RALGAPA2: variants seen among roughly 807,000 people sequenced by gnomAD.
The protein encoded by RALGAPA2 is Ral GTPase activating protein catalytic subunit alpha 2.
RALGAPA2 carries 139 observed loss-of-function variants against 230.4 expected under a neutral mutation model. The observed-to-expected ratio is 0.60, with a 90% CI of 0.53 to 0.69. The LOEUF is 0.69. Among genes scored for constraint, RALGAPA2 ranks in the 30% least tolerant of loss-of-function variants. RALGAPA2 has a pLI of 0.00. For missense variants in RALGAPA2, 2,163 were observed against 2,276.0 expected (o/e 0.95, Z 1.01); for synonymous variants, 847 against 837.8 (o/e 1.01, Z -0.19).
intron 11 of RALGAPA2, 101 bp from the exon 12 acceptor site, chr20:20,619,515 T>G (rs2066256633): frequency 1.1e-6 from 1 of 943,934 alleles, no homozygotes; most frequent in Admixed American, 4.5e-5. Context: ...CTAAGTTATA[T>G]TTAGTTGGCA....
intron 24 of RALGAPA2, among the ~76,000 whole-genome samples, chr20:20,544,839 C>A (rs1171989807): frequency 1.4e-5 from 2 of 145,926 alleles, no homozygotes; most frequent in African/African-American, 5.1e-5. Flanking sequence ...ATGGACACAG[C>A]GAGGGGAATA....
At chr20:20,441,322 C>T (rs1197690608) in intron 37 of RALGAPA2, among the ~76,000 whole-genome samples, 1 of 152,178 alleles carries the variant, frequency 6.6e-6, no homozygotes, top group Non-Finnish European at 1.5e-5. Context: ...GTGGGACAGC[C>T]GTTAATCTGT....
At chr20:20,394,634 A>G (rs1200071161) in intron 39 of RALGAPA2, among the ~76,000 whole-genome samples, 1 of 152,050 alleles carries the variant, frequency 6.6e-6, no homozygotes, top group East Asian at 1.9e-4. Context: ...CAGTCTCAAA[A>G]AAAAAACACC....
At chr20:20,542,699 C>T (rs1166373190) in intron 24 of RALGAPA2, among the ~76,000 whole-genome samples, 1 of 152,146 alleles carries the variant, frequency 6.6e-6, no homozygotes, top group Admixed American at 6.6e-5. Flanking sequence ...TGAAAACTGG[C>T]TAGCCATATG....
At position 20,421,643 on chromosome 20, in the gene RALGAPA2, C is replaced by T. The variant is rs532162681; in HGVS notation, c.5496-9495G>A. On this transcript the variant is annotated intron_variant, in intron 37 of 39. Transcript: ENST00000202677. ...CAAGATCACACCATTGCATTCCAGC[C>T]TGGGCAACAAGAGCGAAACTCTGTC... 1.6e-4 allele frequency among the ~76,000 whole-genome samples: 24 copies of T among 152,292 alleles called. No individual in the cohort carries two copies. The South Asian group carries it at 4.8e-3, about 30-fold the overall frequency.
chr20:20,396,636 G>T, intron 39 of RALGAPA2, 59 bp downstream of exon 39: 1 of 1,497,040 alleles, frequency 6.7e-7, no homozygotes, highest in Non-Finnish European at 9.2e-7. Flanking sequence ...GATTAGAAAA[G>T]TCCCACCCCC....
chr20:20,396,782 C>CT, intron 38 of RALGAPA2, 48 bp from the exon 39 acceptor site: 1 of 1,488,024 alleles, frequency 6.7e-7, no homozygotes, highest in Non-Finnish European at 9.4e-7. Flanking sequence ...ACAACACCCC[C>CT]ACAGCTCCAA....
At chr20:20,436,916 G>T (rs941851551) in intron 37 of RALGAPA2, among the ~76,000 whole-genome samples, 1 of 152,122 alleles carries the variant, frequency 6.6e-6, no homozygotes, top group South Asian at 2.1e-4. Context: ...CACCTCATCC[G>T]AGCCTGTGCA....
intron 3 of RALGAPA2, among the ~76,000 whole-genome samples, chr20:20,654,799 G>GT (rs920250258): frequency 3.9e-5 from 6 of 152,066 alleles, no homozygotes; most frequent in Non-Finnish European, 7.3e-5. Flanking sequence ...TTTATTTCTA[G>GT]TTTTTTTGAG....
intron 39 of RALGAPA2, among the ~76,000 whole-genome samples, chr20:20,396,217 C>G (rs1025089115): frequency 6.6e-6 from 1 of 152,258 alleles, no homozygotes; most frequent in Non-Finnish European, 1.5e-5. Context: ...TTTCCTTCCC[C>G]AGCTGTTCCA....
At chr20:20,533,242 A>G (rs1410165106) in intron 26 of RALGAPA2, among the ~76,000 whole-genome samples, 1 of 152,124 alleles carries the variant, frequency 6.6e-6, no homozygotes, top group East Asian at 1.9e-4. Context: ...CAGTTAAAAA[A>G]TAAAGGTGGG....
chr20:20,407,793 G>T (rs1424035259), intron 38 of RALGAPA2, among the ~76,000 whole-genome samples: 2 of 152,218 alleles, frequency 1.3e-5, no homozygotes, highest in African/African-American at 2.4e-5. Flanking sequence ...CTTTCCACGA[G>T]GGCATCCAAG....
At chr20:20,650,867 T>C (rs1231695632) in intron 4 of RALGAPA2, among the ~76,000 whole-genome samples, 1 of 152,190 alleles carries the variant, frequency 6.6e-6, no homozygotes, top group African/African-American at 2.4e-5. Context: ...GGTATATATG[T>C]ATATAATTAC....
At position 20,526,308 on chromosome 20, in the gene RALGAPA2, A is replaced by T; in HGVS notation, c.3637T>A (p.Ser1213Thr). ...VACDVLQLLV[S>T]YWEKLQMFET... ...AACATCTGAAGCTTCTCCCAGTAGG[A>T]AACCAGCAACTGAAGGACATCGCAA... is the stretch of plus-strand genomic sequence containing the variant. Residue 1213 changes from serine to threonine, a missense_variant, in exon 28 of 40, where the codon TCC (serine) becomes ACC (threonine). Coordinates refer to ENST00000202677, the MANE Select transcript of RALGAPA2 (RefSeq NM_020343.4). 1 of 1,608,932 alleles carries T rather than the reference A, an allele frequency of 6.2e-7. No homozygotes were observed. The highest frequency in any genetic ancestry group is 8.5e-7 in the Non-Finnish European group (1 of 1,178,672).
Position 20,391,031 on chromosome 20 carries a change from G to C in RALGAPA2, c.*2258C>G, listed in dbSNP as rs182079103. On this transcript the variant is annotated 3_prime_UTR_variant, in exon 40 of 40. Coordinates refer to ENST00000202677, the MANE Select transcript of RALGAPA2 (RefSeq NM_020343.4). ...GCAGAAGTCCAGGAGAGTTCAATAC[G>C]ATTTCTAAATCCTGACATATCTTTT... The C allele has an allele frequency of 2.0e-4, 31 of 152,322 alleles. No homozygotes were observed. The highest frequency in any genetic ancestry group is 6.7e-4 in the African/African-American group (28 of 41,556). The allele number at this position is 152,322 out of a possible 1,614,324, so 9.4% of individuals were successfully genotyped here.
chr20:20,558,582 C>T lies in RALGAPA2; in HGVS notation c.3157-11750G>A, dbSNP rs147714071. 3.7e-3 allele frequency among the ~76,000 whole-genome samples: 565 copies of T among 151,814 alleles called. 3 individuals are homozygous for T. Among genetic ancestry groups the T allele is most frequent in the African/African-American group, 0.013 (519 of 41,350 alleles). On this transcript the variant is annotated intron_variant, in intron 23 of 39. Transcript: ENST00000202677. Reference sequence around the variant, plus strand: ...GGTCTTCCACCAAAGCCATCTTCTTCGGAAATTACTGGGCATGGGGTGTAA... The same window carrying T: ...GGTCTTCCACCAAAGCCATCTTCTTTGGAAATTACTGGGCATGGGGTGTAA...
At chr20:20,419,779 C>A (rs555669066) in intron 37 of RALGAPA2, among the ~76,000 whole-genome samples, 1 of 152,296 alleles carries the variant, frequency 6.6e-6, no homozygotes, top group East Asian at 1.9e-4. Context: ...GCTCAGAGAA[C>A]TGGATCTCAA....
At chr20:20,682,051 G>A (rs182283335) in intron 1 of RALGAPA2, among the ~76,000 whole-genome samples, 73 of 152,248 alleles carry the variant, frequency 4.8e-4, no homozygotes, top group Admixed American at 1.2e-3. Context: ...ATTATATAAC[G>A]TTAGCAATAA....
In RALGAPA2 at chr20:20,583,182, C is replaced by T. The variant is rs765141237; in HGVS notation, c.2575G>A (p.Ala859Thr). The part of the protein sequence containing the change: ...SDTTLGCTNE[A>T]ELSMGPWQTC... ...TGCCATGGGCCCATGGACAGCTCTG[C>T]CTCATTGGTACAGCCCAGAGTTGTG... The change falls in exon 20 of 40, where the codon GCA (alanine) becomes ACA (threonine). Residue 859 changes from alanine to threonine, a missense_variant. Transcript: ENST00000202677. The T allele has an allele frequency of 6.2e-7, 1 of 1,613,618 alleles. No individual in the cohort carries two copies.
Sources: allele counts gnomAD v4.1 joint callset (sites outside exome capture counted in the v4.1 genomes callset), GRCh38; gene constraint gnomAD v4.1.1; transcripts MANE v1.5; gene names NCBI Gene and HGNC (gene_info 2026-07-23, HGNC 2026-07-21).